The following TMEFF2 variants were observed in gnomAD, a reference collection of about 807,000 sequenced individuals.
TMEFF2 encodes tomoregulin-2.
Under a neutral mutation model 53.8 loss-of-function variants are expected in TMEFF2, and 28 were observed. The ratio of observed to expected loss-of-function variants is 0.52; its 90% CI spans 0.39 to 0.71. TMEFF2 has a LOEUF of 0.71. Ranked by LOEUF, TMEFF2 falls within the 30% of genes least tolerant of loss-of-function variation. The pLI is 0.00. For missense variants in TMEFF2, 353 were observed against 455.2 expected, an observed-to-expected ratio of 0.78 and a Z score of 2.04; for synonymous variants, 162 against 166.3, an observed-to-expected ratio of 0.97 and a Z score of 0.20.
intron 5 of TMEFF2, among the ~76,000 whole-genome samples, chr2:192,002,420 A>T (rs1686387183): frequency 6.6e-6 from 1 of 152,168 alleles, no homozygotes; most frequent in South Asian, 2.1e-4. Context: ...AGTACATTTT[A>T]AAAATACTTC....
chr2:191,990,971 C>T (rs1473818972), intron 7 of TMEFF2, among the ~76,000 whole-genome samples: 1 of 151,810 alleles, frequency 6.6e-6, no homozygotes, highest in Non-Finnish European at 1.5e-5. Context: ...CATATGATAT[C>T]ATCATTCTGC....
intron 5 of TMEFF2, among the ~76,000 whole-genome samples, chr2:192,042,294 C>T (rs1170020100): frequency 6.6e-6 from 1 of 152,060 alleles, no homozygotes; most frequent in African/African-American, 2.4e-5. Flanking sequence ...GACATAGAGA[C>T]ATGAATTGAG....
intron 5 of TMEFF2, among the ~76,000 whole-genome samples, chr2:192,040,944 C>A (rs1439641256): frequency 1.3e-5 from 2 of 152,120 alleles, no homozygotes; most frequent in African/African-American, 4.8e-5. Context: ...ATTTGGACCC[C>A]TTCCTCACTC....
intron 3 of TMEFF2, among the ~76,000 whole-genome samples, chr2:192,182,342 G>A (rs1691207348): frequency 1.3e-5 from 2 of 151,746 alleles, no homozygotes; most frequent in South Asian, 4.1e-4. Context: ...AAATTACTTT[G>A]TTCTCTCCGT....
chr2:191,992,008 T>C (rs898610652), intron 7 of TMEFF2, among the ~76,000 whole-genome samples: 15 of 152,118 alleles, frequency 9.9e-5, no homozygotes, highest in African/African-American at 3.6e-4. Flanking sequence ...TTTATGAATT[T>C]TGCAGCACTC....
At chr2:192,017,545 C>T (rs1370464725) in intron 5 of TMEFF2, among the ~76,000 whole-genome samples, 1 of 152,172 alleles carries the variant, frequency 6.6e-6, no homozygotes, top group Non-Finnish European at 1.5e-5. Context: ...TTCTTTTTCT[C>T]ACTTGTTGTG....
At chr2:192,168,567 G>A (rs1052515801) in intron 4 of TMEFF2, among the ~76,000 whole-genome samples, 3 of 152,060 alleles carry the variant, frequency 2.0e-5, no homozygotes, top group Non-Finnish European at 4.4e-5. Flanking sequence ...TAGATCACAA[G>A]TTCATATACT....
chr2:192,078,312 C>T (rs1050017675), intron 4 of TMEFF2, among the ~76,000 whole-genome samples: 3 of 152,146 alleles, frequency 2.0e-5, no homozygotes, highest in South Asian at 2.1e-4. Context: ...AAGATCTTGA[C>T]ATATGTCAAT....
At chr2:191,975,359 C>T (rs1685692096) in intron 7 of TMEFF2, among the ~76,000 whole-genome samples, 3 of 146,794 alleles carry the variant, frequency 2.0e-5, no homozygotes, top group Admixed American at 7.0e-5. Context: ...TATATCAGAG[C>T]CTTTCTTTAC....
intron 7 of TMEFF2, among the ~76,000 whole-genome samples, chr2:191,974,824 T>C (rs1685661991): frequency 6.6e-6 from 1 of 152,144 alleles, no homozygotes; most frequent in Admixed American, 6.5e-5. Context: ...CCACTTATTA[T>C]GTTAGTTGGC....
Position 192,194,616 on chromosome 2 carries a change from C to A in TMEFF2, c.-92G>T. The A allele has an allele frequency of 6.8e-7, 1 of 1,480,500 alleles. No individual in the cohort carries two copies. The allele number at this position is 1,480,500 out of a possible 1,614,324, so 91.7% of individuals were successfully genotyped here. On this transcript the variant is annotated 5_prime_UTR_variant, in exon 1 of 10. Transcript: ENST00000272771. This position sits in a 1 kb window ranked among gnomAD's most constrained non-coding sequence, Gnocchi z 4.2. Reference sequence around the variant, plus strand: ...AGCGGGCTACTGAGCATCCCGCGGACGGCGGCAGCAGAGGCGGCGGCGGTG... The same window carrying A: ...AGCGGGCTACTGAGCATCCCGCGGAAGGCGGCAGCAGAGGCGGCGGCGGTG...
intron 4 of TMEFF2, among the ~76,000 whole-genome samples, chr2:192,172,270 G>T (rs181281834): frequency 6.6e-5 from 10 of 151,202 alleles, no homozygotes; most frequent in African/African-American, 2.4e-4. Flanking sequence ...CTTCCCTTCT[G>T]CAGATTCTGA....
At chr2:192,127,512 AT>A (rs1249410737) in intron 4 of TMEFF2, among the ~76,000 whole-genome samples, 1 of 152,144 alleles carries the variant, frequency 6.6e-6, no homozygotes, top group African/African-American at 2.4e-5. Context: ...CAATGTAGCT[AT>A]TTTTTGTTCA....
intron 7 of TMEFF2, among the ~76,000 whole-genome samples, chr2:191,964,372 C>CTTTCTTTCTT (rs1324161895): frequency 3.9e-5 from 3 of 77,608 alleles, no homozygotes; most frequent in African/African-American, 1.1e-4. Flanking sequence ...TTCTTTCTTT[C>CTTTCTTTCTT]TCTTTCTTTC....
chr2:191,958,905 CTGAA>C (rs571763933), intron 7 of TMEFF2, among the ~76,000 whole-genome samples: 48 of 152,148 alleles, frequency 3.2e-4, no homozygotes, highest in African/African-American at 9.6e-4. Flanking sequence ...GATTGAAAAC[CTGAA>C]TATATAACCA....
chr2:192,053,036 T>G (rs1012757821), intron 5 of TMEFF2, among the ~76,000 whole-genome samples: 6 of 152,180 alleles, frequency 3.9e-5, no homozygotes, highest in African/African-American at 1.4e-4. Context: ...TTTTACAGCC[T>G]TGATGTTCTC....
At chr2:192,165,544 T>TAC (rs1260117847) in intron 4 of TMEFF2, among the ~76,000 whole-genome samples, 3 of 152,144 alleles carry the variant, frequency 2.0e-5, no homozygotes, top group Non-Finnish European at 4.4e-5. Flanking sequence ...GTCATACAAA[T>TAC]ACACACACAC....
At chr2:191,951,881 T>C (rs1279983791) in intron 9 of TMEFF2, among the ~76,000 whole-genome samples, 1 of 151,988 alleles carries the variant, frequency 6.6e-6, no homozygotes, top group Non-Finnish European at 1.5e-5. Context: ...TATTTTATTA[T>C]AACATGGAAA....
In TMEFF2 at chr2:191,949,989, TGA is replaced by T; in HGVS notation, c.*320_*321del. On this transcript the variant is annotated 3_prime_UTR_variant, in exon 10 of 10. Transcript: ENST00000272771. ...ACTAGTCTGATTATATTTACAGTTA[TGA>T]GATACCGCAAATTTAAGAATGCCAA... 1 of 1,104,684 alleles carries T rather than the reference TGA, an allele frequency of 9.1e-7. No individual in the cohort carries two copies. The highest frequency in any genetic ancestry group is 1.1e-6 in the Non-Finnish European group (1 of 902,242). The allele number at this position is 1,104,684 out of a possible 1,614,324, so 68.4% of individuals were successfully genotyped here.
Sources: allele counts gnomAD v4.1 joint callset (sites outside exome capture counted in the v4.1 genomes callset), GRCh38; gene constraint gnomAD v4.1.1; non-coding constraint Gnocchi (gnomAD v3.1); transcripts MANE v1.5; gene names NCBI Gene and HGNC (gene_info 2026-07-23, HGNC 2026-07-21).